The following CNTNAP2 variants were observed in gnomAD, a reference collection of about 807,000 sequenced individuals.
The protein encoded by CNTNAP2 is contactin associated protein 2.
CNTNAP2 carries 98 observed loss-of-function variants against 155.2 expected under a neutral mutation model. The observed-to-expected ratio is 0.63, with a 90% CI of 0.54 to 0.75. CNTNAP2 has a LOEUF of 0.75. Among genes scored for constraint, CNTNAP2 ranks in the 30% least tolerant of loss-of-function variants. CNTNAP2 has a pLI of 0.00. For synonymous variants in CNTNAP2, 651 were observed against 631.2 expected (o/e 1.03, Z -0.47); for missense variants, 1,727 against 1,688.1 (o/e 1.02, Z -0.40).
intron 3 of CNTNAP2, among the ~76,000 whole-genome samples, chr7:146,999,389 A>G (rs147732990): frequency 3.0e-3 from 453 of 152,088 alleles, no homozygotes; most frequent in African/African-American, 0.01. Context: ...TTATTATTTT[A>G]ATAATTTTGT....
chr7:147,483,235 C>T (rs575856606), intron 10 of CNTNAP2, among the ~76,000 whole-genome samples: 6 of 130,358 alleles, frequency 4.6e-5, no homozygotes, highest in Non-Finnish European at 8.4e-5. Flanking sequence ...AAAAATAATA[C>T]GATGATAAAT....
intron 20 of CNTNAP2, among the ~76,000 whole-genome samples, chr7:148,237,041 T>C (rs1470163949): frequency 1.3e-5 from 2 of 152,178 alleles, no homozygotes; most frequent in African/African-American, 4.8e-5. Flanking sequence ...ATCCAAACCA[T>C]ATCACATACC....
chr7:146,299,964 A>T (rs1372289083), intron 1 of CNTNAP2, among the ~76,000 whole-genome samples: 2 of 152,190 alleles, frequency 1.3e-5, no homozygotes, highest in African/African-American at 4.8e-5. Flanking sequence ...AGAAAGAGCC[A>T]TTATACATTT....
chr7:147,955,227 G>A (rs1377121244), intron 14 of CNTNAP2, among the ~76,000 whole-genome samples: 1 of 152,082 alleles, frequency 6.6e-6, no homozygotes, highest in Non-Finnish European at 1.5e-5. Flanking sequence ...GATCCAAAAA[G>A]CTTTTATTTT....
chr7:147,877,787 A>G (rs1385768241), intron 13 of CNTNAP2, among the ~76,000 whole-genome samples: 1 of 152,060 alleles, frequency 6.6e-6, no homozygotes, highest in Non-Finnish European at 1.5e-5. Context: ...TACCTCTTGC[A>G]GCAGTTGAAA....
intron 1 of CNTNAP2, among the ~76,000 whole-genome samples, chr7:146,456,749 A>G (rs1203135933): frequency 6.6e-6 from 1 of 152,166 alleles, no homozygotes; most frequent in African/African-American, 2.4e-5. Flanking sequence ...TCCCTTTAAA[A>G]TAAATCTTAG....
chr7:146,666,750 T>A lies in CNTNAP2; in HGVS notation c.98-107521T>A, dbSNP rs114740503. 3.6e-3 allele frequency among the ~76,000 whole-genome samples: 550 copies of A among 151,322 alleles called. 1 individual carries two copies. Among genetic ancestry groups the A allele is most frequent in the African/African-American group, 0.013 (528 of 40,660 alleles). On this transcript the variant is annotated intron_variant, in intron 1 of 23. Coordinates refer to ENST00000361727, the MANE Select transcript of CNTNAP2 (RefSeq NM_014141.6). ...TAATTTGTATTTCCCTGAGGACTAG[T>A]GGTGTTGAGCATTTTTCATTTGTTG...
At chr7:147,025,019 C>G (rs1584789711) in intron 3 of CNTNAP2, among the ~76,000 whole-genome samples, 1 of 151,730 alleles carries the variant, frequency 6.6e-6, no homozygotes, top group South Asian at 2.1e-4. Flanking sequence ...CGCCGTGGCT[C>G]AAGCCTGTAA....
At chr7:148,122,867 A>AAAAAAAAAAG (rs543029148) in intron 16 of CNTNAP2, among the ~76,000 whole-genome samples, 10 of 150,830 alleles carry the variant, frequency 6.6e-5, no homozygotes, top group African/African-American at 2.5e-4. Flanking sequence ...AAAAAAAAAG[A>AAAAAAAAAAG]AAAAAAAAGA....
chr7:147,321,322 T>G (rs139725619), intron 9 of CNTNAP2, among the ~76,000 whole-genome samples: 1 of 152,326 alleles, frequency 6.6e-6, no homozygotes, highest in Non-Finnish European at 1.5e-5. Flanking sequence ...TACCTGAAGG[T>G]TATGAAAGAC....
At position 147,406,104 on chromosome 7, in the gene CNTNAP2, A is replaced by G. The variant is rs1797000357; in HGVS notation, c.1670+10324A>G. On this transcript the variant is annotated intron_variant, in intron 10 of 23. Coordinates refer to ENST00000361727, the MANE Select transcript of CNTNAP2 (RefSeq NM_014141.6). ...ACCCAACATATTGAAGACTTGTATC[A>G]TTCCCCAATCTGAATAAAAGGAGAG... 3.3e-5 allele frequency among the ~76,000 whole-genome samples: 5 copies of G among 152,296 alleles called. No individual in the cohort carries two copies. In the South Asian group the frequency reaches 8.3e-4, roughly 25 times the overall value.
chr7:147,967,623 G>T (rs1449410873), intron 14 of CNTNAP2, among the ~76,000 whole-genome samples: 2 of 152,148 alleles, frequency 1.3e-5, no homozygotes, highest in Admixed American at 6.6e-5. Context: ...AAAAATGAGG[G>T]TAATAATTAG....
intron 13 of CNTNAP2, among the ~76,000 whole-genome samples, chr7:147,646,702 C>T (rs529473541): frequency 1.3e-5 from 2 of 152,146 alleles, no homozygotes; most frequent in African/African-American, 2.4e-5. Flanking sequence ...CAAACCTAAG[C>T]GCAGACAATT....
intron 11 of CNTNAP2, among the ~76,000 whole-genome samples, chr7:147,530,419 C>G (rs1799411139): frequency 6.6e-6 from 1 of 152,112 alleles, no homozygotes; most frequent in Non-Finnish European, 1.5e-5. Context: ...ACCTTGTGAT[C>G]TGCCTGCCTC....
chr7:147,260,150 G>A (rs1033642881), intron 8 of CNTNAP2, among the ~76,000 whole-genome samples: 3 of 152,212 alleles, frequency 2.0e-5, no homozygotes, highest in African/African-American at 7.2e-5. Context: ...ACGGTAGTGA[G>A]CCATATCTAA....
intron 14 of CNTNAP2, among the ~76,000 whole-genome samples, chr7:147,964,182 A>T (rs1801165199): frequency 6.6e-6 from 1 of 152,106 alleles, no homozygotes; most frequent in Admixed American, 6.6e-5. Flanking sequence ...CACGGTGGGA[A>T]GGTGGCCCTC....
At chr7:147,222,573 TCTGTGAGG>T (rs1803428449) in intron 8 of CNTNAP2, among the ~76,000 whole-genome samples, 1 of 152,196 alleles carries the variant, frequency 6.6e-6, no homozygotes, top group Non-Finnish European at 1.5e-5. Flanking sequence ...GCCATGTCTA[TCTGTGAGG>T]CTTGCTTTGG....
At chr7:147,603,541 A>G (rs1484446977) in intron 12 of CNTNAP2, among the ~76,000 whole-genome samples, 1 of 152,208 alleles carries the variant, frequency 6.6e-6, no homozygotes, top group Non-Finnish European at 1.5e-5. Flanking sequence ...TTCAAGGAGA[A>G]CTACAAACCA....
chr7:147,954,833 A>G (rs1306026441), intron 14 of CNTNAP2, among the ~76,000 whole-genome samples: 1 of 152,210 alleles, frequency 6.6e-6, no homozygotes. Context: ...GCTTTTATTC[A>G]TGGGAATTTA....
Sources: allele counts gnomAD v4.1 joint callset (sites outside exome capture counted in the v4.1 genomes callset), GRCh38; gene constraint gnomAD v4.1.1; transcripts MANE v1.5; gene names NCBI Gene and HGNC (gene_info 2026-07-23, HGNC 2026-07-21).